The following HPSE2 variants were observed in gnomAD, a reference collection of about 807,000 sequenced individuals.
The protein encoded by HPSE2 is heparanase 2 (inactive), also known as inactive heparanase-2.
Under a neutral mutation model 60.5 loss-of-function variants are expected in HPSE2, and 38 were observed. The ratio of observed to expected loss-of-function variants is 0.63; its 90% confidence interval spans 0.48 to 0.82. The LOEUF (loss-of-function observed/expected upper bound fraction) is 0.82, where lower values mean the gene tolerates loss of function less well. Ranked by LOEUF, HPSE2 falls within the 40% of genes least tolerant of loss-of-function variation. HPSE2 has a pLI of 0.00. For synonymous variants in HPSE2, 295 were observed against 293.2 expected (o/e 1.01, Z -0.06); for missense variants, 713 against 740.4 (o/e 0.96, Z 0.43).
rs143390050 is a variant in HPSE2, at chr10:98,865,254, C to G, written c.611-121198G>C. On this transcript the variant is annotated intron_variant, in intron 3 of 11. Coordinates refer to ENST00000370552, the MANE Select transcript of HPSE2 (RefSeq NM_021828.5). ...ATTTTTAAGTTAGAAGGTATGTTAA[C>G]TGATTCCTAAGATACTTCCAAATTG... Among the ~76,000 whole-genome samples the G allele has an allele frequency of 3.0e-3, 449 of 152,130 alleles. 3 individuals carry two copies. Among genetic ancestry groups the G allele is most frequent in the Non-Finnish European group, 5.3e-3 (358 of 67,974 alleles).
At chr10:98,608,837 G>A (rs559502507) in intron 9 of HPSE2, among the ~76,000 whole-genome samples, 1 of 152,196 alleles carries the variant, frequency 6.6e-6, no homozygotes, top group South Asian at 2.1e-4. Flanking sequence ...GAAAGAGAAA[G>A]GCGGCTTCAC....
At chr10:98,831,864 CTAAA>C (rs111732376) in intron 3 of HPSE2, among the ~76,000 whole-genome samples, 6 of 152,170 alleles carry the variant, frequency 3.9e-5, no homozygotes, top group African/African-American at 1.4e-4. Flanking sequence ...ATCTTTATAG[CTAAA>C]TAAATAAATA....
chr10:98,840,677 G>A (rs977257750), intron 3 of HPSE2, among the ~76,000 whole-genome samples: 12 of 152,044 alleles, frequency 7.9e-5, no homozygotes, highest in African/African-American at 2.7e-4. Flanking sequence ...GGAGTATAGC[G>A]TCATCAGCTG....
At position 98,957,893 on chromosome 10, in the gene HPSE2, G is replaced by A. The variant is rs185905099; in HGVS notation, c.610+186345C>T. 7.9e-5 allele frequency among the ~76,000 whole-genome samples: 12 copies of A among 152,120 alleles called. 1 individual carries two copies. Among genetic ancestry groups the A allele is most frequent in the African/African-American group, 1.4e-4 (6 of 41,422 alleles). Reference sequence around the variant, plus strand: ...TCCAGAAAAGGCTCTCTTAACCTTCGTTTGCAATAAAATAAACAGCTCAAC... The same window carrying A: ...TCCAGAAAAGGCTCTCTTAACCTTCATTTGCAATAAAATAAACAGCTCAAC... On this transcript the variant is annotated intron_variant, in intron 3 of 11. Transcript: ENST00000370552.
chr10:98,639,818 C>T (rs1415271129), intron 7 of HPSE2, among the ~76,000 whole-genome samples: 1 of 152,310 alleles, frequency 6.6e-6, no homozygotes, highest in East Asian at 1.9e-4. Context: ...ACAGTTAGAA[C>T]CTTCACTCTC....
chr10:98,510,520 T>C (rs995399476), intron 9 of HPSE2, among the ~76,000 whole-genome samples: 1 of 152,186 alleles, frequency 6.6e-6, no homozygotes, highest in Non-Finnish European at 1.5e-5. Flanking sequence ...AACCTGCTTA[T>C]GGAGGTGTGA....
intron 2 of HPSE2, among the ~76,000 whole-genome samples, chr10:99,170,817 T>C (rs1847278387): frequency 6.6e-6 from 1 of 152,252 alleles, no homozygotes. Flanking sequence ...TCCATGAGTT[T>C]TGTGTCTGTT....
At chr10:98,471,675 T>A (rs756351867) in intron 11 of HPSE2, among the ~76,000 whole-genome samples, 4 of 152,044 alleles carry the variant, frequency 2.6e-5, no homozygotes, top group Non-Finnish European at 5.9e-5. Flanking sequence ...TGTACCTTGG[T>A]GGGATGATTA....
intron 8 of HPSE2, among the ~76,000 whole-genome samples, chr10:98,618,558 G>GT (rs2133982201): frequency 6.6e-6 from 1 of 152,232 alleles, no homozygotes; most frequent in South Asian, 2.1e-4. Flanking sequence ...CCAGTGGAGA[G>GT]TGGGAGTGTA....
At chr10:99,249,816 T>C in the HPSE2 span, among the ~76,000 whole-genome samples, 2 of 152,080 alleles carry the variant, frequency 1.3e-5, no homozygotes, top group African/African-American at 4.8e-5. Flanking sequence ...GTTCTTGTGA[T>C]AGTGGGTGAG....
chr10:98,825,313 T>TGATAAACA (rs1336458542), intron 3 of HPSE2, among the ~76,000 whole-genome samples: 1 of 151,748 alleles, frequency 6.6e-6, no homozygotes, highest in East Asian at 1.9e-4. Flanking sequence ...AGCCAAAATG[T>TGATAAACA]GATAAACAAA....
At chr10:98,928,830 G>GA (rs1954558653) in intron 3 of HPSE2, among the ~76,000 whole-genome samples, 1 of 96,664 alleles carries the variant, frequency 1.0e-5, no homozygotes, top group South Asian at 3.5e-4. Context: ...ACACTCTGGG[G>GA]ACTGTTGTGG....
intron 2 of HPSE2, among the ~76,000 whole-genome samples, chr10:99,161,466 C>T (rs192967291): frequency 3.3e-5 from 5 of 152,052 alleles, no homozygotes; most frequent in Non-Finnish European, 4.4e-5. Context: ...AAAAAGACCA[C>T]GTATTATGAC....
At chr10:99,162,462 T>A (rs1465341801) in intron 2 of HPSE2, among the ~76,000 whole-genome samples, 1 of 152,170 alleles carries the variant, frequency 6.6e-6, no homozygotes, top group Non-Finnish European at 1.5e-5. Context: ...TTGGCTTCCC[T>A]CACACACAGG....
intron 3 of HPSE2, among the ~76,000 whole-genome samples, chr10:98,987,144 G>A (rs1382403829): frequency 6.6e-6 from 1 of 152,000 alleles, no homozygotes; most frequent in Non-Finnish European, 1.5e-5. Flanking sequence ...CTCATTTTAT[G>A]AGGCCAGCAT....
At chr10:99,152,246 G>C (rs931914415) in intron 2 of HPSE2, among the ~76,000 whole-genome samples, 7 of 150,112 alleles carry the variant, frequency 4.7e-5, no homozygotes, top group African/African-American at 1.7e-4. Flanking sequence ...GGGAGGCAGA[G>C]CTTGCAGTGA....
chr10:98,749,947 T>TATACAC, intron 3 of HPSE2, among the ~76,000 whole-genome samples: 9 of 98,484 alleles, frequency 9.1e-5, no homozygotes, highest in South Asian at 3.7e-4. Context: ...TATATATATA[T>TATACAC]ACACACACAC....
chr10:98,588,804 C>T (rs943050640), intron 9 of HPSE2, among the ~76,000 whole-genome samples: 5 of 152,020 alleles, frequency 3.3e-5, no homozygotes, highest in African/African-American at 1.2e-4. Context: ...AGCACATGAG[C>T]CACAAGGCCC....
chr10:99,215,889 A>C (rs1273160000), intron 2 of HPSE2, among the ~76,000 whole-genome samples: 1 of 152,254 alleles, frequency 6.6e-6, no homozygotes, highest in Admixed American at 6.5e-5. Flanking sequence ...TGGTATGTGC[A>C]TTGTATAGGA....
Sources: gnomAD v4.1 joint callset for allele counts (sites outside exome capture counted in the v4.1 genomes callset) on GRCh38, gnomAD v4.1.1 for gene constraint, MANE v1.5 for transcripts, NCBI Gene and HGNC (gene_info 2026-07-23, HGNC 2026-07-21) for gene names.